The following SPIDR variants were observed in gnomAD, a reference collection of about 807,000 sequenced individuals.
The protein encoded by SPIDR is DNA repair-scaffolding protein.
In SPIDR, 93 loss-of-function variants were observed where a neutral mutation model predicts 104.6. The ratio of observed to expected loss-of-function variants is 0.89; its 90% CI spans 0.75 to 1.06. The LOEUF is 1.06. SPIDR is among the 50% of genes least tolerant of loss of function. The pLI, the probability that SPIDR is intolerant of heterozygous loss-of-function variation, is 0.00. For missense variants in SPIDR, 1,154 were observed against 1,111.2 expected (o/e 1.04, Z -0.55); for synonymous variants, 431 against 416.9 (o/e 1.03, Z -0.41).
intron 8 of SPIDR, among the ~76,000 whole-genome samples, chr8:47,556,580 T>C (rs1211340209): frequency 3.3e-5 from 5 of 152,188 alleles, no homozygotes; most frequent in African/African-American, 7.2e-5. Context: ...TAAAGCTTAG[T>C]AAGTTTATTT....
intron 11 of SPIDR, among the ~76,000 whole-genome samples, chr8:47,697,014 C>G (rs1164238869): frequency 1.3e-5 from 2 of 152,252 alleles, no homozygotes; most frequent in Non-Finnish European, 2.9e-5. Context: ...CAGTACAGCC[C>G]AGTCTCAGTC....
At chr8:47,566,034 T>G (rs2154403545) in intron 8 of SPIDR, among the ~76,000 whole-genome samples, 1 of 127,598 alleles carries the variant, frequency 7.8e-6, no homozygotes, top group East Asian at 2.5e-4. Context: ...AGATGGAGTT[T>G]CAGCTCTTGT....
intron 8 of SPIDR, among the ~76,000 whole-genome samples, chr8:47,570,005 CA>C (rs2058330620): frequency 6.6e-6 from 1 of 152,058 alleles, no homozygotes; most frequent in African/African-American, 2.4e-5. Flanking sequence ...CAATACTCAC[CA>C]AATTGATCTG....
chr8:47,272,835 T>C (rs751747896), intron 1 of SPIDR, among the ~76,000 whole-genome samples: 257 of 152,350 alleles, frequency 1.7e-3, no homozygotes, highest in Middle Eastern at 0.01. Flanking sequence ...TGAGCCACCA[T>C]GCCCATTTTA....
intron 10 of SPIDR, among the ~76,000 whole-genome samples, chr8:47,662,395 A>G (rs80264295): frequency 6.6e-6 from 1 of 152,318 alleles, no homozygotes; most frequent in East Asian, 1.9e-4. Flanking sequence ...TCTTAATTTT[A>G]GTTACTAGTT....
chr8:47,320,695 T>G (rs1471100172), intron 5 of SPIDR, among the ~76,000 whole-genome samples: 1 of 152,184 alleles, frequency 6.6e-6, no homozygotes, highest in Non-Finnish European at 1.5e-5. Flanking sequence ...GCAAAAATCC[T>G]CAATAAAATA....
At chr8:47,592,148 A>T in intron 8 of SPIDR, 1 of 1,409,820 alleles carries the variant, frequency 7.1e-7, no homozygotes, top group Non-Finnish European at 1.0e-6. Flanking sequence ...ATCAATTTAA[A>T]TATTATTCAT....
At chr8:47,721,648 T>G (rs2083414528) in intron 16 of SPIDR, among the ~76,000 whole-genome samples, 2 of 152,022 alleles carry the variant, frequency 1.3e-5, no homozygotes. Flanking sequence ...ATTTTTTTTT[T>G]GTATTTTTAG....
intron 8 of SPIDR, among the ~76,000 whole-genome samples, chr8:47,553,463 A>G (rs2090879690): frequency 6.6e-6 from 1 of 151,972 alleles, no homozygotes; most frequent in Admixed American, 6.6e-5. Flanking sequence ...TTTTTTCTCT[A>G]AACTTCTCTT....
intron 8 of SPIDR, among the ~76,000 whole-genome samples, chr8:47,565,186 C>G (rs1008715990): frequency 1.3e-5 from 2 of 152,100 alleles, no homozygotes; most frequent in Non-Finnish European, 2.9e-5. Context: ...GCAGAGGTTG[C>G]GGTGAACCAA....
At chr8:47,314,075 A>G (rs1227780215) in intron 5 of SPIDR, among the ~76,000 whole-genome samples, 2 of 152,214 alleles carry the variant, frequency 1.3e-5, no homozygotes, top group African/African-American at 4.8e-5. Flanking sequence ...TAAAGCAGAA[A>G]TTATAATGTT....
At chr8:47,470,879 T>C (rs189686704) in intron 8 of SPIDR, among the ~76,000 whole-genome samples, 2,750 of 151,628 alleles carry the variant, frequency 0.018, 83 homozygotes, top group African/African-American at 0.064. Flanking sequence ...GGACTACAGG[T>C]GCCCGCCACC....
chr8:47,434,161 T>C (rs1233110570), intron 7 of SPIDR, among the ~76,000 whole-genome samples: 1 of 152,194 alleles, frequency 6.6e-6, no homozygotes, highest in African/African-American at 2.4e-5. Context: ...GATGAATTAT[T>C]ATCATCACAG....
At chr8:47,419,707 T>G (rs2065058581) in intron 7 of SPIDR, among the ~76,000 whole-genome samples, 1 of 152,192 alleles carries the variant, frequency 6.6e-6, no homozygotes, top group Non-Finnish European at 1.5e-5. Context: ...TTAATTGTGA[T>G]GTTAGGGTGT....
chr8:47,672,046 C>T (rs1326264666), intron 10 of SPIDR, among the ~76,000 whole-genome samples: 3 of 152,174 alleles, frequency 2.0e-5, no homozygotes, highest in Non-Finnish European at 2.9e-5. Flanking sequence ...AAGCCTCAAC[C>T]TCCTGGGCTG....
chr8:47,416,288 CT>C (rs1410888872), intron 7 of SPIDR, among the ~76,000 whole-genome samples: 1 of 152,056 alleles, frequency 6.6e-6, no homozygotes, highest in Non-Finnish European at 1.5e-5. Context: ...AGTTTATAAC[CT>C]TTTGGGATTG....
At chr8:47,709,338 C>G (rs913560938) in intron 14 of SPIDR, among the ~76,000 whole-genome samples, 2 of 152,220 alleles carry the variant, frequency 1.3e-5, no homozygotes, top group African/African-American at 4.8e-5. Flanking sequence ...CAGGGTTTCA[C>G]AATGTTAGCC....
At chr8:47,420,953 C>A (rs1554679869) in intron 7 of SPIDR, among the ~76,000 whole-genome samples, 1 of 152,252 alleles carries the variant, frequency 6.6e-6, no homozygotes, top group Non-Finnish European at 1.5e-5. Context: ...TATCTTCTGG[C>A]TTGCAGAGTT....
rs2154488488 is a variant in SPIDR, at chr8:47,712,727, A to C, written c.2043A>C (p.Gln681His). The C allele has an allele frequency of 1.9e-6, 3 of 1,614,184 alleles. No individual in the cohort carries two copies. The East Asian group carries it at 6.7e-5, about 36-fold the overall frequency. Reference sequence around the variant, plus strand: ...TGCTAGTGACCGATGTCACTCTGCAAACGAAGGAGGAGAGAGACCCCAGGC... The same window carrying C: ...TGCTAGTGACCGATGTCACTCTGCACACGAAGGAGGAGAGAGACCCCAGGC... ...IWLLVTDVTLQTKEERDPRLP... is the reference protein window; with the variant it reads ...IWLLVTDVTLHTKEERDPRLP... The change falls in exon 15 of 20, where the codon CAA (glutamine) becomes CAC (histidine). Residue 681 changes from glutamine to histidine, a missense_variant. By Grantham distance (24) the Gln-to-His change is conservative. Transcript: ENST00000297423.
Sources: gnomAD v4.1 joint callset for allele counts (sites outside exome capture counted in the v4.1 genomes callset) on GRCh38, gnomAD v4.1.1 for gene constraint, MANE v1.5 for transcripts, NCBI Gene and HGNC (gene_info 2026-07-23, HGNC 2026-07-21) for gene names.